The following MAP4K3 variants were observed in gnomAD, a reference collection of about 807,000 sequenced individuals.
MAP4K3 encodes the protein MAPK/ERK kinase kinase kinase 3.
Under a neutral mutation model 143.5 loss-of-function variants are expected in MAP4K3, and 94 were observed. The ratio of observed to expected loss-of-function variants is 0.65; its 90% CI spans 0.55 to 0.78. The LOEUF is 0.78. MAP4K3 is among the 30% of genes least tolerant of loss of function. The pLI, the probability that MAP4K3 is intolerant of heterozygous loss-of-function variation, is 0.00. For missense variants in MAP4K3, 1,077 were observed against 1,068.1 expected (o/e 1.01, Z -0.12); for synonymous variants, 416 against 347.2 (o/e 1.20, Z -2.20).
intron 24 of MAP4K3, among the ~76,000 whole-genome samples, chr2:39,273,563 G>T (rs1336858447): frequency 6.6e-6 from 1 of 152,138 alleles, no homozygotes; most frequent in South Asian, 2.1e-4. Context: ...ACACATCAAG[G>T]CCTCTAAGGA....
chr2:39,307,689 T>C (rs531994118), intron 15 of MAP4K3, among the ~76,000 whole-genome samples: 1 of 151,778 alleles, frequency 6.6e-6, no homozygotes, highest in Non-Finnish European at 1.5e-5. Context: ...CCCTAATATA[T>C]GAATGAGAAA....
chr2:39,286,194 G>C (rs1681769326), intron 21 of MAP4K3, among the ~76,000 whole-genome samples: 1 of 152,222 alleles, frequency 6.6e-6, no homozygotes, highest in Non-Finnish European at 1.5e-5. Context: ...TCAGGCATTA[G>C]TTACATTCGT....
intron 1 of MAP4K3, among the ~76,000 whole-genome samples, chr2:39,397,711 T>C (rs1219955659): frequency 2.0e-5 from 3 of 152,274 alleles, no homozygotes; most frequent in East Asian, 1.9e-4. Context: ...AATATAACTT[T>C]ATATGGCCTC....
Position 39,331,932 on chromosome 2 carries a change from A to G in MAP4K3, c.515T>C (p.Ile172Thr), listed in dbSNP as rs771461394. ...ATACAATTACCAATATGGTGTGCCA[A>G]TGAAAGACTTCCGTTTGGCAATTGT... ...TATIAKRKSF[I>T]GTPYWMAPEV... Residue 172 changes from isoleucine to threonine, a missense_variant, in exon 8 of 34, where the codon ATT (isoleucine) becomes ACT (threonine). Ile to Thr is a moderately conservative substitution (Grantham distance 89, BLOSUM62 -1). Coordinates refer to ENST00000263881, the MANE Select transcript of MAP4K3 (RefSeq NM_003618.4). The G allele has an allele frequency of 6.4e-7, 1 of 1,570,190 alleles. No individual in the cohort carries two copies. The highest frequency in any genetic ancestry group is 1.7e-5 in the Admixed American group (1 of 59,616).
At chr2:39,364,865 C>CAAAAA (rs70957105) in intron 2 of MAP4K3, among the ~76,000 whole-genome samples, 37 of 114,720 alleles carry the variant, frequency 3.2e-4, no homozygotes, top group African/African-American at 1.1e-3. Flanking sequence ...AACTCTGTCT[C>CAAAAA]AAAAAAAAAA....
intron 1 of MAP4K3, among the ~76,000 whole-genome samples, chr2:39,422,419 C>T (rs1487531590): frequency 6.6e-6 from 1 of 152,066 alleles, no homozygotes; most frequent in Non-Finnish European, 1.5e-5. Context: ...TGTATAGACA[C>T]CAGGAGAAAA....
At chr2:39,267,659 G>A (rs1193989751) in intron 26 of MAP4K3, among the ~76,000 whole-genome samples, 4 of 128,338 alleles carry the variant, frequency 3.1e-5, no homozygotes, top group Non-Finnish European at 3.2e-5. Flanking sequence ...GGCAACAACA[G>A]AAGAGCAAAA....
Position 39,258,583 on chromosome 2 carries a change from G to C in MAP4K3, c.2313C>G (p.Thr771=), listed in dbSNP as rs770813055. The C allele has an allele frequency of 2.5e-5, 40 of 1,611,650 alleles. 1 individual carries two copies. The South Asian group carries it at 4.3e-4, about 17-fold the overall frequency. The part of the protein sequence containing the change: ...STSSWFTESD[T]PQTNVTHVTQ... ...TTACATGAGTAACATTTGTCTGTGG[G>C]GTATCTACAATACAAACAAATTTTG... The change falls in exon 30 of 34, where the codon ACC becomes ACG. Residue 771 remains threonine (T), a synonymous_variant. Transcript: ENST00000263881.
At position 39,262,176 on chromosome 2, in the gene MAP4K3, A is replaced by C. The variant is rs545974150; in HGVS notation, c.2137-1399T>G. Among the ~76,000 whole-genome samples, 15 of 152,334 alleles carry C rather than the reference A, an allele frequency of 9.8e-5. No homozygotes were observed. In the East Asian group the frequency reaches 2.5e-3, roughly 25 times the overall value. On this transcript the variant is annotated intron_variant, in intron 28 of 33. Transcript: ENST00000263881. Reference sequence around the variant, plus strand: ...TTTCTTTTTAATCTGGCAACTCATAAATTCTAAAGAAAAGTAAAAGGTGCA... The same window carrying C: ...TTTCTTTTTAATCTGGCAACTCATACATTCTAAAGAAAAGTAAAAGGTGCA...
chr2:39,401,045 G>A (rs888657252), intron 1 of MAP4K3, among the ~76,000 whole-genome samples: 14 of 152,100 alleles, frequency 9.2e-5, no homozygotes, highest in Admixed American at 3.3e-4. Flanking sequence ...CAATTGTCCC[G>A]GCTTATATTC....
chr2:39,380,684 G>A (rs1666335292), intron 1 of MAP4K3, among the ~76,000 whole-genome samples: 1 of 152,092 alleles, frequency 6.6e-6, no homozygotes, highest in Non-Finnish European at 1.5e-5. Context: ...CCACAATGAT[G>A]TTCTCATCAT....
intron 19 of MAP4K3, among the ~76,000 whole-genome samples, chr2:39,288,921 G>C (rs1193649195): frequency 6.6e-6 from 1 of 152,096 alleles, no homozygotes; most frequent in East Asian, 1.9e-4. Context: ...GCGTGGTGGC[G>C]GGTGCCTGTA....
intron 12 of MAP4K3, among the ~76,000 whole-genome samples, chr2:39,318,696 A>T (rs978912365): frequency 1.3e-5 from 2 of 152,136 alleles, no homozygotes; most frequent in African/African-American, 2.4e-5. Flanking sequence ...ATGCAACGTG[A>T]TTACAATTAT....
chr2:39,367,823 T>C (rs1665966543), intron 2 of MAP4K3, among the ~76,000 whole-genome samples: 1 of 152,252 alleles, frequency 6.6e-6, no homozygotes, highest in Admixed American at 6.5e-5. Context: ...TTCTGCATGT[T>C]TATGTATTAT....
rs1206690314 is a variant in MAP4K3, at chr2:39,416,004, T to TATATATATATAA, written c.96+20887_96+20888insTTATATATATAT. Among the ~76,000 whole-genome samples the TATATATATATAA allele has an allele frequency of 7.9e-4, 60 of 76,050 alleles. 1 individual carries two copies. The highest frequency in any genetic ancestry group is 9.2e-4 in the Non-Finnish European group (38 of 41,392). 49.9% of individuals were successfully genotyped at this position (76,050 alleles called of 152,430 possible). ...AAATATATATATATATATATATATA[T>TATATATATATAA]AAAAATAACATTTGGAAGAATAAAT... On this transcript the variant is annotated intron_variant, in intron 1 of 33. Transcript: ENST00000263881.
chr2:39,271,174 C>T (rs536544404), intron 26 of MAP4K3, among the ~76,000 whole-genome samples: 24 of 152,126 alleles, frequency 1.6e-4, no homozygotes, highest in Admixed American at 3.9e-4. Flanking sequence ...ACAATAAGTA[C>T]CTATATTCAG....
intron 20 of MAP4K3, 103 bp from the exon 21 acceptor site, chr2:39,287,067 C>A: frequency 1.7e-6 from 1 of 592,364 alleles, no homozygotes; most frequent in South Asian, 2.7e-5. Flanking sequence ...GACATAGTGT[C>A]ATTATTCATT....
intron 2 of MAP4K3, among the ~76,000 whole-genome samples, chr2:39,363,102 A>C (rs1451658473): frequency 6.6e-6 from 1 of 152,232 alleles, no homozygotes; most frequent in Non-Finnish European, 1.5e-5. Flanking sequence ...TGAAACCATA[A>C]AACTCTTATA....
At chr2:39,264,319 T>C (rs1461914364) in intron 28 of MAP4K3, among the ~76,000 whole-genome samples, 1 of 152,230 alleles carries the variant, frequency 6.6e-6, no homozygotes, top group African/African-American at 2.4e-5. Flanking sequence ...TTCAGTGCAT[T>C]TACCTGTGAA....
Sources: gnomAD v4.1 joint callset for allele counts (sites outside exome capture counted in the v4.1 genomes callset) on GRCh38, gnomAD v4.1.1 for gene constraint, MANE v1.5 for transcripts, NCBI Gene and HGNC (gene_info 2026-07-23, HGNC 2026-07-21) for gene names.